The following DGLUCY variants were observed in gnomAD, a reference collection of about 807,000 sequenced individuals.
DGLUCY encodes the protein D-glutamate cyclase.
In DGLUCY, 58 loss-of-function variants were observed where a neutral mutation model predicts 58.5. The ratio of observed to expected loss-of-function variants is 0.99; its 90% CI spans 0.80 to 1.23. DGLUCY has a LOEUF of 1.23. Among genes scored for constraint, DGLUCY ranks in the 50% most tolerant of loss-of-function variants. DGLUCY has a pLI of 0.00. For missense variants in DGLUCY, 779 were observed against 784.7 expected, an observed-to-expected ratio of 0.99 and a Z score of 0.09; for synonymous variants, 325 against 314.1, an observed-to-expected ratio of 1.03 and a Z score of -0.37.
chr14:91,096,854 G>A (rs2044403817), intron 1 of DGLUCY, among the ~76,000 whole-genome samples: 1 of 152,178 alleles, frequency 6.6e-6, no homozygotes, highest in South Asian at 2.1e-4. Context: ...GTAGTCAAGA[G>A]GCAATTTTAC....
chr14:91,085,269 C>A (rs562972053), intron 1 of DGLUCY, among the ~76,000 whole-genome samples: 1 of 151,816 alleles, frequency 6.6e-6, no homozygotes, highest in Non-Finnish European at 1.5e-5. Flanking sequence ...TTGCTCTCTC[C>A]GCTAAACAAG....
intron 13 of DGLUCY, among the ~76,000 whole-genome samples, chr14:91,218,108 G>A (rs1464778997): frequency 2.0e-5 from 3 of 152,166 alleles, no homozygotes; most frequent in Non-Finnish European, 4.4e-5. Flanking sequence ...GAAGAGAGAT[G>A]GGGGAGGGGG....
intron 1 of DGLUCY, among the ~76,000 whole-genome samples, chr14:91,092,494 A>G (rs764347721): frequency 1.3e-4 from 20 of 152,238 alleles, no homozygotes; most frequent in Non-Finnish European, 2.1e-4. Context: ...GATTGAGAAG[A>G]CACTTGATGA....
At chr14:91,143,057 A>T (rs1333483656) in intron 1 of DGLUCY, among the ~76,000 whole-genome samples, 1 of 147,344 alleles carries the variant, frequency 6.8e-6, no homozygotes, top group African/African-American at 2.5e-5. Flanking sequence ...AAAGGATCTA[A>T]TGGCAGTTTT....
intron 1 of DGLUCY, among the ~76,000 whole-genome samples, chr14:91,119,754 G>T (rs375108212): frequency 6.6e-6 from 1 of 152,110 alleles, no homozygotes; most frequent in African/African-American, 2.4e-5. Context: ...AGGCAGACCC[G>T]CCCTCAGTCT....
In DGLUCY at chr14:91,224,812, C is replaced by T. The variant is rs779057056; in HGVS notation, c.1845C>T (p.Asp615=). The change falls in exon 14 of 14, where the codon GAC becomes GAT. Residue 615 remains aspartate (D), a synonymous_variant. Coordinates refer to ENST00000256324, the MANE Select transcript of DGLUCY (RefSeq NM_001102368.3). ...CCGAGATGATCCAGAAGCTGGTGGA[C>T]GTCACCACGGCACAGGTGTAACCGT... ...THAEMIQKLV[D]VTTAQV The T allele has an allele frequency of 8.1e-6, 13 of 1,612,710 alleles. No individual in the cohort carries two copies. The highest frequency in any genetic ancestry group is 4.5e-5 in the East Asian group (2 of 44,860).
intron 7 of DGLUCY, among the ~76,000 whole-genome samples, chr14:91,180,970 T>C (rs2049136461): frequency 6.6e-6 from 1 of 152,222 alleles, no homozygotes; most frequent in Non-Finnish European, 1.5e-5. Flanking sequence ...ATTCAACTCA[T>C]CTTTACTTTC....
chr14:91,140,787 G>A (rs151097262), intron 1 of DGLUCY, among the ~76,000 whole-genome samples: 1 of 152,236 alleles, frequency 6.6e-6, no homozygotes, highest in Admixed American at 6.5e-5. Flanking sequence ...CTTTTGAAAT[G>A]AGTATCAACC....
chr14:91,114,301 A>C lies in DGLUCY; in HGVS notation c.-82+18A>C, dbSNP rs2044774519. 6.6e-6 allele frequency: 1 copy of C among 152,366 alleles called. No individual in the cohort carries two copies. Among genetic ancestry groups the C allele is most frequent in the African/African-American group, 2.4e-5 (1 of 41,468 alleles). The allele number at this position is 152,366 out of a possible 1,614,324, so 9.4% of individuals were successfully genotyped here. A position where few individuals can be genotyped will look rare whatever the true frequency, so the allele number is the denominator to read the frequency against. On this transcript the variant is annotated intron_variant, in intron 1 of 13. Coordinates refer to ENST00000256324, the MANE Select transcript of DGLUCY (RefSeq NM_001102368.3). ...AACAAACAGTAAGTCAGAAGGGAAC[A>C]GAGCACAGCACAGTCCCTCCCTCCG...
chr14:91,084,548 C>A (rs1458489725), intron 1 of DGLUCY, among the ~76,000 whole-genome samples: 1 of 151,862 alleles, frequency 6.6e-6, no homozygotes, highest in Non-Finnish European at 1.5e-5. Flanking sequence ...CCTCCCACCC[C>A]CTAGCACTAA....
At chr14:91,156,513 A>G (rs2047630396) in intron 1 of DGLUCY, among the ~76,000 whole-genome samples, 1 of 152,180 alleles carries the variant, frequency 6.6e-6, no homozygotes, top group South Asian at 2.1e-4. Context: ...TTGCTTGGGT[A>G]AACAGAGAAA....
chr14:91,154,931 T>C (rs1303987173), intron 1 of DGLUCY, among the ~76,000 whole-genome samples: 1 of 152,146 alleles, frequency 6.6e-6, no homozygotes, highest in Non-Finnish European at 1.5e-5. Context: ...CCTCCTGCCT[T>C]GTGTCAGGCT....
intron 13 of DGLUCY, among the ~76,000 whole-genome samples, chr14:91,219,390 A>G (rs542597195): frequency 5.6e-4 from 85 of 152,344 alleles, no homozygotes; most frequent in African/African-American, 1.9e-3. Context: ...GTACAGGGAC[A>G]TGAAGCCGTA....
chr14:91,197,638 C>A (rs2050300416), intron 10 of DGLUCY, among the ~76,000 whole-genome samples: 1 of 152,224 alleles, frequency 6.6e-6, no homozygotes, highest in Non-Finnish European at 1.5e-5. Flanking sequence ...TAAGTGGAAT[C>A]ATCCAATATT....
intron 1 of DGLUCY, among the ~76,000 whole-genome samples, chr14:91,066,424 T>C (rs1213868020): frequency 6.7e-6 from 1 of 148,884 alleles, no homozygotes; most frequent in African/African-American, 2.5e-5. Flanking sequence ...GAAAAGAAAC[T>C]GACTTTATCC....
chr14:91,215,794 G>T, intron 13 of DGLUCY: 2 of 1,344,714 alleles, frequency 1.5e-6, no homozygotes, highest in Non-Finnish European at 1.9e-6. Flanking sequence ...TTGACTTTGG[G>T]TGAGTTGCTT....
intron 1 of DGLUCY, among the ~76,000 whole-genome samples, chr14:91,069,799 C>CTTTTTTTTTTTTTTTTTTTTTTTTTTT (rs5810528): frequency 1.7e-5 from 2 of 121,030 alleles, no homozygotes; most frequent in Admixed American, 8.9e-5. Context: ...TGATATGCCT[C>CTTTTTTTTTTTTTTTTTTTTTTTTTTT]TTTTTTTTTT....
chr14:91,209,431 G>T (rs532181256), intron 12 of DGLUCY, among the ~76,000 whole-genome samples: 1 of 151,430 alleles, frequency 6.6e-6, no homozygotes, highest in Non-Finnish European at 1.5e-5. Context: ...GATTGAGGCC[G>T]CGTGCGGTGG....
chr14:91,121,054 A>T (rs1186941463), intron 1 of DGLUCY, among the ~76,000 whole-genome samples: 1 of 151,554 alleles, frequency 6.6e-6, no homozygotes, highest in Non-Finnish European at 1.5e-5. Context: ...CTCCCTCTTT[A>T]CCCCAGGTGT....
Sources: allele counts gnomAD v4.1 joint callset (sites outside exome capture counted in the v4.1 genomes callset), GRCh38; gene constraint gnomAD v4.1.1; transcripts MANE v1.5; gene names NCBI Gene and HGNC (gene_info 2026-07-23, HGNC 2026-07-21).